The following SACS variants were observed in gnomAD, a reference collection of about 807,000 sequenced individuals.
SACS encodes sacsin molecular chaperone.
Under a neutral mutation model 348.0 loss-of-function variants are expected in SACS, and 197 were observed. That is an observed-to-expected ratio of 0.57 (90% CI 0.50 to 0.64). The LOEUF is 0.64. Ranked by LOEUF, SACS falls within the 30% of genes least tolerant of loss-of-function variation. SACS has a pLI of 0.00. For missense variants in SACS, 4,999 were observed against 5,360.8 expected (o/e 0.93, Z 2.11); for synonymous variants, 1,985 against 1,910.6 (o/e 1.04, Z -1.02).
intron 2 of SACS, among the ~76,000 whole-genome samples, chr13:23,409,442 C>T (rs1479855729): frequency 2.0e-5 from 3 of 149,834 alleles, no homozygotes; most frequent in South Asian, 2.1e-4. Context: ...CTGCAACCTC[C>T]GCCTCCTGGG....
intron 2 of SACS, among the ~76,000 whole-genome samples, chr13:23,389,241 A>G (rs1872432912): frequency 6.6e-6 from 1 of 152,108 alleles, no homozygotes; most frequent in South Asian, 2.1e-4. Context: ...TCTTTAAGTT[A>G]CAGGAAGGCT....
rs766788204 is a variant in SACS at position 23,355,052 on chromosome 13, C to G, written c.1560G>C (p.Lys520Asn). 3.7e-6 allele frequency: 6 copies of G among 1,614,110 alleles called. No homozygotes were observed. In the African/African-American group the frequency reaches 5.3e-5, roughly 14 times the overall value. Residue 520 changes from lysine (K) to asparagine (N), a missense_variant, in exon 8 of 10, where the codon AAG becomes AAC. Physicochemically the swap from Lys to Asn is moderately conservative, Grantham distance 94. Around this residue, in one of 6 missense-constraint regions of SACS, gnomAD observed 3,156 missense variants for 3,380.1 expected, o/e 0.93. Coordinates refer to ENST00000382292, the MANE Select transcript of SACS (RefSeq NM_014363.6). ...CAACTGACAAGGGGAAATCAGAGCT[C>G]TTTTCCATCTCCAGACGTTTTATTG... ...LDSIKRLEMEKSSDFPLSVDV... is the reference protein window; with the variant it reads ...LDSIKRLEMENSSDFPLSVDV...
At chr13:23,395,503 T>C (rs1474144887) in intron 2 of SACS, among the ~76,000 whole-genome samples, 1 of 152,182 alleles carries the variant, frequency 6.6e-6, no homozygotes, top group Non-Finnish European at 1.5e-5. Flanking sequence ...TCCTTTAATA[T>C]GTTGTCTTTG....
chr13:23,375,518 A>G lies in SACS; in HGVS notation c.21-249T>C, dbSNP rs1028435853. On this transcript the variant is annotated intron_variant, in intron 2 of 9. Coordinates refer to ENST00000382292, the MANE Select transcript of SACS (RefSeq NM_014363.6). Reference sequence around the variant, plus strand: ...GCCCGCGCCGAGGAGGAAACGCTAGAGGAAGCCGCGGCGGCCGAGGAGCAG... The same window carrying G: ...GCCCGCGCCGAGGAGGAAACGCTAGGGGAAGCCGCGGCGGCCGAGGAGCAG... The G allele has an allele frequency of 2.7e-5, 30 of 1,109,586 alleles. No homozygotes were observed. The African/African-American group carries it at 5.0e-4, about 18-fold the overall frequency. The allele number at this position is 1,109,586 out of a possible 1,614,324, so 68.7% of individuals were successfully genotyped here.
rs568043080 is a variant in SACS, at chr13:23,358,584, TAGAG to T, written c.458-107_458-104del. The stretch of plus-strand genomic sequence containing the variant: ...CAAAATCTCTTATTCGAAGGGAAAA[TAGAG>T]AGGAGTGAATAGAGTGACTGAATTC... On this transcript the variant is annotated intron_variant, in intron 6 of 9. Transcript: ENST00000382292. 1,040 of 1,239,470 alleles carry T rather than the reference TAGAG, an allele frequency of 8.4e-4. 5 individuals carry two copies. In the African/African-American group the frequency reaches 0.013, roughly 16 times the overall value. 76.8% of individuals were successfully genotyped at this position (1,239,470 alleles called of 1,614,324 possible).
chr13:23,428,555 A>G (rs570389184), intron 1 of SACS: 3 of 152,346 alleles, frequency 2.0e-5, no homozygotes, highest in South Asian at 2.1e-4. Flanking sequence ...CAGACCTTAA[A>G]TATAATCCTG....
intron 2 of SACS, among the ~76,000 whole-genome samples, chr13:23,393,927 AT>A (rs1441015739): frequency 5.3e-5 from 8 of 151,830 alleles, no homozygotes; most frequent in Admixed American, 3.3e-4. Context: ...CGCCCGGCTA[AT>A]TTTTTGTATT....
At position 23,406,350 on chromosome 13, in the gene SACS, G is replaced by T. The variant is rs543998153; in HGVS notation, c.20+4870C>A. ...ACGATGAAAACACATGGACACGGTG[G>T]GGGGAAACACCACACACCAGGGCCT... On this transcript the variant is annotated intron_variant, in intron 2 of 9. Transcript: ENST00000382292. Among the ~76,000 whole-genome samples the T allele has an allele frequency of 8.6e-5, 13 of 151,932 alleles. No individual in the cohort carries two copies. The East Asian group carries it at 2.5e-3, about 29-fold the overall frequency.
In SACS at chr13:23,331,114, G is replaced by A. The variant is rs11554397; in HGVS notation, c.12762C>T (p.Ser4254=). 2,769 of 1,614,110 alleles carry A rather than the reference G, an allele frequency of 1.7e-3. 46 individuals carry two copies. In the African/African-American group the frequency reaches 0.032, roughly 19 times the overall value. The change falls in exon 10 of 10, where the codon AGC becomes AGT. Residue 4254 remains serine (S), a synonymous_variant. Transcript: ENST00000382292. The part of the protein sequence containing the change: ...KFSRPEESSQ[S]RDSAPSTPTS... ...TTGGTGTAGAAGGAGCACTGTCCCT[G>A]CTTTGAGAGCTTTCCTCAGGTCTTG...
At chr13:23,432,048 A>G (rs1874452299) in intron 1 of SACS, among the ~76,000 whole-genome samples, 1 of 152,204 alleles carries the variant, frequency 6.6e-6, no homozygotes, top group South Asian at 2.1e-4. Flanking sequence ...TAATTGTGTC[A>G]TCTCTGACAC....
At position 23,336,146 on chromosome 13, in the gene SACS, T is replaced by C. The variant is rs1393893979; in HGVS notation, c.7730A>G (p.Asp2577Gly). 2 of 1,613,616 alleles carry C rather than the reference T, an allele frequency of 1.2e-6. No individual in the cohort carries two copies. ...CCCTTGCAATGGGGCCCACTTATCA[T>C]CAAATATTCTATCAACTGGATGCTG... ...PRQHPVDRIF[D>G]DKWAPLQGPA... The change falls in exon 10 of 10, where the codon GAT (aspartate) becomes GGT (glycine). Residue 2577 changes from aspartate (D) to glycine (G), a missense_variant. This residue lies in a region of SACS where 3,156 missense variants were observed against 3,380.1 expected (regional missense o/e 0.93). Coordinates refer to ENST00000382292, the MANE Select transcript of SACS (RefSeq NM_014363.6).
intron 1 of SACS, among the ~76,000 whole-genome samples, chr13:23,420,501 T>C (rs1341656565): frequency 3.3e-5 from 5 of 152,096 alleles, no homozygotes; most frequent in African/African-American, 1.2e-4. Context: ...GACTAAAGTC[T>C]ACCTAGAATC....
chr13:23,432,098 A>G (rs563248260), intron 1 of SACS, among the ~76,000 whole-genome samples: 8 of 152,322 alleles, frequency 5.3e-5, no homozygotes, highest in Admixed American at 4.6e-4. Flanking sequence ...GTGGATTGTC[A>G]GGGGCTGCAG....
intron 8 of SACS, 111 bp downstream of exon 8, chr13:23,354,408 C>A: frequency 1.1e-6 from 1 of 896,932 alleles, no homozygotes; most frequent in East Asian, 2.6e-5. Flanking sequence ...GTCTTCCTAA[C>A]TATAAAATCG....
At position 23,355,759 on chromosome 13, in the gene SACS, T is replaced by A. The variant is rs887186633; in HGVS notation, c.853A>T (p.Asn285Tyr). Residue 285 changes from asparagine to tyrosine, a missense_variant, in exon 8 of 10, where the codon AAC (asparagine) becomes TAC (tyrosine). Physicochemically the swap from Asn to Tyr is moderately radical, Grantham distance 143. Transcript: ENST00000382292. ...LRLQPSQLSSNLYNKQKVLEL... is the reference protein window; with the variant it reads ...LRLQPSQLSSYLYNKQKVLEL... ...AGAACCTTCTGCTTATTGTAGAGGT[T>A]ACTACTAAGTTGTGAAGGTTGTAGG... is the stretch of plus-strand genomic sequence containing the variant. The A allele has an allele frequency of 6.2e-7, 1 of 1,614,074 alleles. No homozygotes were observed. The highest frequency in any genetic ancestry group is 8.5e-7 in the Non-Finnish European group (1 of 1,180,040).
At chr13:23,393,764 T>A (rs952155317) in intron 2 of SACS, among the ~76,000 whole-genome samples, 17 of 152,110 alleles carry the variant, frequency 1.1e-4, no homozygotes, top group Non-Finnish European at 2.2e-4. Context: ...TTTTTTATTT[T>A]TTTTTATTTT....
intron 2 of SACS, among the ~76,000 whole-genome samples, chr13:23,384,399 T>C (rs1458333995): frequency 6.6e-6 from 1 of 152,262 alleles, no homozygotes; most frequent in Non-Finnish European, 1.5e-5. Context: ...TGTAGTGATG[T>C]TCACATGTGT....
chr13:23,375,142 G>A lies in SACS; in HGVS notation c.148C>T (p.Arg50Trp). Residue 50 changes from arginine (R) to tryptophan (W), a missense_variant, in exon 3 of 10, where the codon CGG becomes TGG. Physicochemically the swap from Arg to Trp is moderately radical, Grantham distance 101 (BLOSUM62 -3). Around this residue, in one of 6 missense-constraint regions of SACS, gnomAD observed 3,156 missense variants for 3,380.1 expected, o/e 0.93. Transcript: ENST00000382292. ...AETGFPVSEQ[R>W]LWRGGRELSD... Reference sequence around the variant, plus strand: ...ACCTCGCGGCCGCCGCGCCACAGCCGCTGCTCCGACACCGGGAAGCCAGTC... The same window carrying A: ...ACCTCGCGGCCGCCGCGCCACAGCCACTGCTCCGACACCGGGAAGCCAGTC... 1.3e-6 allele frequency: 2 copies of A among 1,502,564 alleles called. No individual in the cohort carries two copies. Among genetic ancestry groups the A allele is most frequent in the Non-Finnish European group, 1.8e-6 (2 of 1,126,194 alleles). The allele number at this position is 1,502,564 out of a possible 1,614,324, so 93.1% of individuals were successfully genotyped here.
chr13:23,335,816 C>G lies in SACS; in HGVS notation c.8060G>C (p.Gly2687Ala). The change falls in exon 10 of 10, where the codon GGA (glycine) becomes GCA (alanine). Residue 2687 changes from glycine (G) to alanine (A), a missense_variant. Gly to Ala is a moderately conservative substitution (Grantham distance 60). Around this residue, in one of 6 missense-constraint regions of SACS, gnomAD observed 3,156 missense variants for 3,380.1 expected, o/e 0.93. Transcript: ENST00000382292. This position sits in a 1 kb window ranked among gnomAD's most constrained non-coding sequence, Gnocchi z 4.7. ...GCAATTATCCAGTTTAAAATGGGTT[C>G]CCAGATAAAGATCCAGAACATCTGA... ...QFSDVLDLYL[G>A]THFKLDNCTM... 1.2e-6 allele frequency: 2 copies of G among 1,613,966 alleles called. No homozygotes were observed. Among genetic ancestry groups the G allele is most frequent in the South Asian group, 2.2e-5 (2 of 91,078 alleles).
Sources: allele counts gnomAD v4.1 joint callset (sites outside exome capture counted in the v4.1 genomes callset), GRCh38; gene constraint gnomAD v4.1.1; regional missense constraint gnomAD v4.1.1; non-coding constraint Gnocchi (gnomAD v3.1); transcripts MANE v1.5; gene names NCBI Gene and HGNC (gene_info 2026-07-23, HGNC 2026-07-21).